The following WWP2 variants were observed in gnomAD, a reference collection of about 807,000 sequenced individuals.
The protein encoded by WWP2 is WW domain containing E3 ubiquitin protein ligase 2.
A neutral mutation model predicts 121.0 loss-of-function variants in WWP2; 57 were observed. The ratio of observed to expected loss-of-function variants is 0.47; its 90% CI spans 0.38 to 0.59. The LOEUF (loss-of-function observed/expected upper bound fraction) is 0.59. Ranked by LOEUF, WWP2 falls within the 20% of genes least tolerant of loss-of-function variation. The probability of loss-of-function intolerance (pLI) is 0.00; values close to 1 mark genes in which losing one functional copy is unlikely to be tolerated. For missense variants in WWP2, 962 were observed against 1,158.9 expected (o/e 0.83, Z 2.47); for synonymous variants, 449 against 441.3 (o/e 1.02, Z -0.22).
chr16:69,885,376 C>G (rs1052583431), intron 7 of WWP2, among the ~76,000 whole-genome samples: 8 of 152,084 alleles, frequency 5.3e-5, no homozygotes, highest in Admixed American at 1.3e-4. Context: ...ATTAATTGCA[C>G]AAGATTTAGT....
intron 4 of WWP2, among the ~76,000 whole-genome samples, chr16:69,824,754 T>G (rs926786186): frequency 6.7e-6 from 1 of 148,240 alleles, no homozygotes; most frequent in African/African-American, 2.5e-5. Flanking sequence ...TGACCTCAAC[T>G]TTGCACCTGT....
At chr16:69,896,074 T>C (rs1044994851) in intron 8 of WWP2, among the ~76,000 whole-genome samples, 1 of 152,238 alleles carries the variant, frequency 6.6e-6, no homozygotes, top group Admixed American at 6.5e-5. Context: ...TGTTTTCACC[T>C]TATGTGTATG....
At chr16:69,812,809 C>T (rs2056419968) in intron 4 of WWP2, among the ~76,000 whole-genome samples, 1 of 152,046 alleles carries the variant, frequency 6.6e-6, no homozygotes, top group Non-Finnish European at 1.5e-5. Context: ...TTATTGATGA[C>T]ATTAACTTTC....
intron 6 of WWP2, among the ~76,000 whole-genome samples, chr16:69,846,869 C>T (rs16959266): frequency 6.6e-6 from 1 of 151,868 alleles, no homozygotes; most frequent in Non-Finnish European, 1.5e-5. Context: ...TGGGTGGTGG[C>T]TCCCAAGTGT....
chr16:69,785,890 G>A (rs560540393), intron 1 of WWP2: 3 of 152,108 alleles, frequency 2.0e-5, no homozygotes, highest in South Asian at 4.2e-4. Flanking sequence ...GCCTCCCAAA[G>A]TGCTGGGATT....
In WWP2 at chr16:69,939,836, A is replaced by C; in HGVS notation, c.2514-5A>C. On this transcript the variant is annotated splice_polypyrimidine_tract_variant and splice_region_variant and intron_variant, in intron 23 of 23. Transcript: ENST00000359154. ...CTGACTGTCGTGCTTCCCCACTCTC[A>C]ATAGCTTCAACCGTCTGGATCTTCC... 1 of 1,612,794 alleles carries C rather than the reference A, an allele frequency of 6.2e-7. No homozygotes were observed. The highest frequency in any genetic ancestry group is 8.5e-7 in the Non-Finnish European group (1 of 1,179,476).
chr16:69,770,843 T>A (rs1453110836), intron 1 of WWP2, among the ~76,000 whole-genome samples: 1 of 151,834 alleles, frequency 6.6e-6, no homozygotes, highest in Non-Finnish European at 1.5e-5. Context: ...GTCAGAAGTA[T>A]TCTGTGGGGC....
chr16:69,763,395 T>C (rs2151760552), intron 1 of WWP2, among the ~76,000 whole-genome samples: 1 of 152,350 alleles, frequency 6.6e-6, no homozygotes, highest in African/African-American at 2.4e-5. Flanking sequence ...CATCTTCCTG[T>C]TTCTCATGTT....
At chr16:69,938,936 A>C in intron 21 of WWP2, 91 bp from the exon 22 acceptor site, 1 of 1,193,416 alleles carries the variant, frequency 8.4e-7, no homozygotes, top group Non-Finnish European at 1.2e-6. Flanking sequence ...AGCCCCAAAG[A>C]GGGGCCCCGC....
chr16:69,936,214 C>T, intron 18 of WWP2, 98 bp from the exon 19 acceptor site: 2 of 1,557,420 alleles, frequency 1.3e-6, no homozygotes, highest in Non-Finnish European at 1.7e-6. Context: ...GATTCTAGGC[C>T]ACCTGTGGGC....
In WWP2 at chr16:69,940,140, A is replaced by T. The variant is rs749631853; in HGVS notation, c.*200A>T. ...CCCCGACCCGCGGATGGCAGTCTGG[A>T]ATAAAGCCCCCTAGTTGCCTTTGGC... On this transcript the variant is annotated 3_prime_UTR_variant, in exon 24 of 24. Coordinates refer to ENST00000359154, the MANE Select transcript of WWP2 (RefSeq NM_001270454.2). 3.4e-6 allele frequency: 2 copies of T among 588,054 alleles called. No homozygotes were observed. Among genetic ancestry groups the T allele is most frequent in the African/African-American group, 1.9e-5 (1 of 53,592 alleles). The allele number at this position is 588,054 out of a possible 1,614,324, so 36.4% of individuals were successfully genotyped here.
intron 15 of WWP2, 106 bp from the exon 16 acceptor site, chr16:69,931,693 TTGG>T: frequency 6.4e-7 from 1 of 1,566,850 alleles, no homozygotes; most frequent in Admixed American, 1.7e-5. Context: ...GGCGTGAGTC[TTGG>T]TGACTGTGTC....
intron 4 of WWP2, among the ~76,000 whole-genome samples, chr16:69,800,330 C>A (rs576995650): frequency 1.3e-5 from 2 of 152,198 alleles, no homozygotes; most frequent in African/African-American, 2.4e-5. Context: ...CCCTAGCCAG[C>A]CTTTTGTAAT....
At chr16:69,781,683 T>C (rs12446201) in intron 1 of WWP2, among the ~76,000 whole-genome samples, 44,571 of 151,988 alleles carry the variant, frequency 0.29, 7,525 homozygotes, top group African/African-American at 0.44. Context: ...TTTGTGTTTC[T>C]ATAACTGGAT....
chr16:69,823,418 T>C (rs1043386139), intron 4 of WWP2, among the ~76,000 whole-genome samples: 1 of 152,064 alleles, frequency 6.6e-6, no homozygotes, highest in African/African-American at 2.4e-5. Flanking sequence ...CTTCTCTTCT[T>C]TTATTTATTT....
chr16:69,790,172 G>A (rs902948435), intron 2 of WWP2, among the ~76,000 whole-genome samples: 2 of 152,030 alleles, frequency 1.3e-5, no homozygotes, highest in Non-Finnish European at 2.9e-5. Context: ...GCCTCAACCC[G>A]GGAGGCCGAG....
intron 1 of WWP2, chr16:69,775,121 A>G (rs768387711): frequency 8.5e-5 from 13 of 152,360 alleles, no homozygotes; most frequent in African/African-American, 1.7e-4. Context: ...ACGATTGGAC[A>G]AAAGGGGTAT....
intron 19 of WWP2, 196 bp from the exon 20 acceptor site, chr16:69,936,922 A>G (rs1266151090): frequency 1.4e-5 from 9 of 661,134 alleles, no homozygotes; most frequent in African/African-American, 3.6e-5. Flanking sequence ...GGATGATTTC[A>G]AAGACTCCGG....
intron 1 of WWP2, 34 bp downstream of exon 1, chr16:69,762,425 T>G (rs1417027024): frequency 7.4e-6 from 1 of 135,880 alleles, no homozygotes; most frequent in Non-Finnish European, 1.6e-5. Context: ...CGCGGTGGGC[T>G]GGCTGCCTGC....
Sources: allele counts gnomAD v4.1 joint callset (sites outside exome capture counted in the v4.1 genomes callset), GRCh38; gene constraint gnomAD v4.1.1; transcripts MANE v1.5; gene names NCBI Gene and HGNC (gene_info 2026-07-23, HGNC 2026-07-21).